Variants in KCNT2 observed in about 807,000 individuals in gnomAD.
KCNT2 encodes the protein potassium sodium-activated channel subfamily T member 2, also known as potassium channel subfamily T member 2.
Under a neutral mutation model 153.8 loss-of-function variants are expected in KCNT2, and 67 were observed. The ratio of observed to expected loss-of-function variants is 0.44; its 90% confidence interval spans 0.36 to 0.53. The LOEUF (loss-of-function observed/expected upper bound fraction) is 0.53, where lower values mean the gene tolerates loss of function less well. Among genes scored for constraint, KCNT2 ranks in the 20% least tolerant of loss-of-function variants. The pLI is 0.00. For synonymous variants in KCNT2, 500 were observed against 458.8 expected (o/e 1.09, Z -1.15); for missense variants, 975 against 1,354.8 (o/e 0.72, Z 4.40).
intron 1 of KCNT2, among the ~76,000 whole-genome samples, chr1:196,508,914 C>A (rs572573048): frequency 6.6e-6 from 1 of 152,266 alleles, no homozygotes; most frequent in African/African-American, 2.4e-5. Flanking sequence ...AACCCAGCAA[C>A]TCCATGCCTA....
chr1:196,309,068 G>A (rs1056081892), intron 21 of KCNT2, among the ~76,000 whole-genome samples: 2 of 151,892 alleles, frequency 1.3e-5, no homozygotes, highest in South Asian at 2.1e-4. Flanking sequence ...TTTTCTAGGG[G>A]TGATACATTT....
chr1:196,372,398 G>T (rs202207049), intron 14 of KCNT2, among the ~76,000 whole-genome samples: 2 of 151,678 alleles, frequency 1.3e-5, no homozygotes, highest in African/African-American at 4.8e-5. Context: ...AATTTACTTC[G>T]AAAATCAACA....
chr1:196,337,740 A>G (rs1054379018), intron 16 of KCNT2, among the ~76,000 whole-genome samples: 8 of 152,032 alleles, frequency 5.3e-5, no homozygotes, highest in Non-Finnish European at 1.2e-4. Flanking sequence ...TGGCCTACTA[A>G]GCACTTCATT....
At chr1:196,539,972 T>C (rs995250715) in intron 1 of KCNT2, among the ~76,000 whole-genome samples, 2 of 152,008 alleles carry the variant, frequency 1.3e-5, no homozygotes, top group African/African-American at 2.4e-5. Flanking sequence ...CTGAAATAAT[T>C]TATTGAAATA....
chr1:196,509,723 T>C (rs1681458014), intron 1 of KCNT2, among the ~76,000 whole-genome samples: 1 of 152,188 alleles, frequency 6.6e-6, no homozygotes. Flanking sequence ...TGTATATTTT[T>C]AATAAGTTAA....
chr1:196,423,253 T>A, intron 11 of KCNT2, 140 bp from the exon 12 acceptor site: 1 of 470,166 alleles, frequency 2.1e-6, no homozygotes. Context: ...TAAATGAAAG[T>A]TGAATTTCTA....
intron 14 of KCNT2, among the ~76,000 whole-genome samples, chr1:196,348,500 C>A (rs1317565086): frequency 6.6e-6 from 1 of 152,116 alleles, no homozygotes; most frequent in African/African-American, 2.4e-5. Flanking sequence ...AATCTGTTAT[C>A]TACTTCATAC....
intron 14 of KCNT2, 48 bp downstream of exon 14, chr1:196,373,092 G>GT (rs1293291840): frequency 4.4e-6 from 4 of 900,172 alleles, no homozygotes; most frequent in Non-Finnish European, 3.6e-6. Context: ...TGCCCTTATT[G>GT]TTTTTTATAT....
chr1:196,573,990 G>C (rs1661070321), intron 1 of KCNT2, among the ~76,000 whole-genome samples: 1 of 151,820 alleles, frequency 6.6e-6, no homozygotes, highest in South Asian at 2.1e-4. Context: ...CAAGGATATG[G>C]AAAAATCATC....
Position 196,340,362 on chromosome 1 carries a change from G to A in KCNT2, c.1762C>T (p.His588Tyr). 1 of 1,607,402 alleles carries A rather than the reference G, an allele frequency of 6.2e-7. No homozygotes were observed. Among genetic ancestry groups the A allele is most frequent in the East Asian group, 2.2e-5 (1 of 44,676 alleles). Residue 588 changes from histidine to tyrosine, a missense_variant, in exon 16 of 28, where the codon CAT becomes TAT. Physicochemically the swap from His to Tyr is moderately conservative, Grantham distance 83. Around this residue, in one of 6 missense-constraint regions of KCNT2, gnomAD observed 325 missense variants for 388.1 expected, o/e 0.84. Coordinates refer to ENST00000294725, the MANE Select transcript of KCNT2 (RefSeq NM_198503.5). ...FYHGPSRLPV[H>Y]SIIASMGTVA... Reference sequence around the variant, plus strand: ...TTACCCATGCTGGCAATTATGCTATGTACAGGTAATCTGGAAGGTCCATGA... The same window carrying A: ...TTACCCATGCTGGCAATTATGCTATATACAGGTAATCTGGAAGGTCCATGA...
At chr1:196,234,825 T>C (rs1654286661) in intron 27 of KCNT2, among the ~76,000 whole-genome samples, 1 of 151,410 alleles carries the variant, frequency 6.6e-6, no homozygotes, top group Non-Finnish European at 1.5e-5. Context: ...ACACATCCTA[T>C]GGATCTAATA....
In KCNT2 at chr1:196,263,289, T is replaced by C. The variant is rs560690533; in HGVS notation, c.2911-4795A>G. Among the ~76,000 whole-genome samples the C allele has an allele frequency of 5.0e-4, 76 of 152,252 alleles. No homozygotes were observed. In the South Asian group the frequency reaches 6.6e-3, roughly 13 times the overall value. On this transcript the variant is annotated intron_variant, in intron 25 of 27. Transcript: ENST00000294725. ...TTGAAAATGTGGCAGATATATACCA[T>C]GGAATACTATGCAGCCATAAAAAAG...
intron 1 of KCNT2, among the ~76,000 whole-genome samples, chr1:196,543,062 T>A (rs1374555106): frequency 6.6e-6 from 1 of 152,142 alleles, no homozygotes; most frequent in Non-Finnish European, 1.5e-5. Context: ...AGTTATAAAT[T>A]ATGAATTATT....
intron 19 of KCNT2, among the ~76,000 whole-genome samples, chr1:196,320,062 T>C (rs185946912): frequency 4.0e-4 from 60 of 151,886 alleles, no homozygotes; most frequent in Non-Finnish European, 2.9e-5. Flanking sequence ...CAAATAAATA[T>C]AGTATATATG....
At chr1:196,264,063 T>A (rs886941221) in intron 25 of KCNT2, among the ~76,000 whole-genome samples, 2 of 152,192 alleles carry the variant, frequency 1.3e-5, no homozygotes, top group African/African-American at 4.8e-5. Context: ...CTGGTGATTT[T>A]TTTTTCTTGA....
chr1:196,549,692 T>G (rs1037583290), intron 1 of KCNT2, among the ~76,000 whole-genome samples: 1 of 151,944 alleles, frequency 6.6e-6, no homozygotes, highest in Non-Finnish European at 1.5e-5. Context: ...ACCAAGGTGA[T>G]TCTTATAATG....
rs1669916486 is a variant in KCNT2, at chr1:196,385,766, T to TTA, written c.1295-12519_1295-12518insTA. Among the ~76,000 whole-genome samples the TTA allele has an allele frequency of 2.8e-5, 4 of 145,048 alleles. No individual in the cohort carries two copies. The South Asian group carries it at 8.7e-4, about 32-fold the overall frequency. ...AGTTAGTATGGCACCATTTCTGCAT[T>TTA]AAAAAAATATATATATATATATATA... On this transcript the variant is annotated intron_variant, in intron 13 of 27. Transcript: ENST00000294725.
chr1:196,308,154 T>C (rs1401894031), intron 21 of KCNT2, among the ~76,000 whole-genome samples: 1 of 150,052 alleles, frequency 6.7e-6, no homozygotes, highest in Non-Finnish European at 1.5e-5. Flanking sequence ...TCTTTGTCTT[T>C]TCCTCTTTTT....
At chr1:196,327,430 A>G (rs1391478837) in intron 18 of KCNT2, among the ~76,000 whole-genome samples, 1 of 152,080 alleles carries the variant, frequency 6.6e-6, no homozygotes, top group Non-Finnish European at 1.5e-5. Flanking sequence ...AAAAACAAGA[A>G]CAAAGCATTA....
Sources: gnomAD v4.1 joint callset for allele counts (sites outside exome capture counted in the v4.1 genomes callset) on GRCh38, gnomAD v4.1.1 for gene constraint, gnomAD v4.1.1 regional missense constraint, MANE v1.5 for transcripts, NCBI Gene and HGNC (gene_info 2026-07-23, HGNC 2026-07-21) for gene names.